PACS1: variants seen among roughly 807,000 people sequenced by gnomAD.
PACS1 encodes phosphofurin acidic cluster sorting protein 1.
In PACS1, 24 loss-of-function variants were observed where a neutral mutation model predicts 115.0. That is an observed-to-expected ratio of 0.21 (90% confidence interval 0.15 to 0.29). PACS1 has a LOEUF of 0.29. PACS1 is among the 10% of genes least tolerant of loss of function. The pLI is 1.00. For missense variants in PACS1, 838 were observed against 1,251.2 expected (o/e 0.67, Z 4.98); for synonymous variants, 453 against 504.5 (o/e 0.90, Z 1.37).
chr11:66,112,935 A>AAAGG (rs1163052297), intron 1 of PACS1, among the ~76,000 whole-genome samples: 1 of 152,222 alleles, frequency 6.6e-6, no homozygotes, highest in East Asian at 1.9e-4. Flanking sequence ...ATGCTGCATG[A>AAAGG]AAGGAAGCCT....
intron 2 of PACS1, among the ~76,000 whole-genome samples, chr11:66,204,854 G>C (rs1374396980): frequency 6.6e-6 from 1 of 151,958 alleles, no homozygotes; most frequent in Non-Finnish European, 1.5e-5. Flanking sequence ...ATAAGACCTG[G>C]TATTTGGCCA....
At chr11:66,242,004 C>G (rs776882316) in intron 22 of PACS1, among the ~76,000 whole-genome samples, 7 of 152,228 alleles carry the variant, frequency 4.6e-5, no homozygotes, top group Non-Finnish European at 8.8e-5. Flanking sequence ...CTCCAGGTCC[C>G]TGTGACGCAG....
At chr11:66,126,843 C>T (rs902868031) in intron 1 of PACS1, among the ~76,000 whole-genome samples, 4 of 151,878 alleles carry the variant, frequency 2.6e-5, no homozygotes, top group African/African-American at 9.7e-5. Context: ...AGTAAAGAGC[C>T]AGCCAAGCAG....
At position 66,136,286 on chromosome 11, in the gene PACS1, C is replaced by CAT. The variant is rs1565120238; in HGVS notation, c.357-57200_357-57199insAT. Among the ~76,000 whole-genome samples the CAT allele has an allele frequency of 2.0e-5, 3 of 149,852 alleles. 1 individual carries two copies. Among genetic ancestry groups the CAT allele is most frequent in the African/African-American group, 7.5e-5 (3 of 40,190 alleles). On this transcript the variant is annotated intron_variant, in intron 1 of 23. Coordinates refer to ENST00000320580, the MANE Select transcript of PACS1 (RefSeq NM_018026.4). ...TAACACACACACACACACACACACA[C>CAT]GCCAAGAATGTGAAACAGGACTGCC...
intron 10 of PACS1, among the ~76,000 whole-genome samples, chr11:66,224,981 T>C (rs890071790): frequency 6.6e-6 from 1 of 152,218 alleles, no homozygotes; most frequent in Non-Finnish European, 1.5e-5. Context: ...TTATTCCAGT[T>C]GTTGAATTTT....
At chr11:66,081,331 A>G (rs750027342) in intron 1 of PACS1, among the ~76,000 whole-genome samples, 9 of 152,208 alleles carry the variant, frequency 5.9e-5, no homozygotes, top group Non-Finnish European at 1.3e-4. Context: ...ACACATGTTA[A>G]TCGTGTGTGT....
At chr11:66,157,987 G>T (rs1478088612) in intron 1 of PACS1, among the ~76,000 whole-genome samples, 2 of 152,156 alleles carry the variant, frequency 1.3e-5, no homozygotes, top group South Asian at 4.1e-4. Context: ...TTGAGACAGG[G>T]TCTGGCTCTG....
rs1269230727 is a variant in PACS1, at chr11:66,232,403, C to A, written c.1731+127C>A. The A allele has an allele frequency of 9.9e-6, 6 of 606,216 alleles. No homozygotes were observed. In the Admixed American group the frequency reaches 1.7e-4, roughly 18 times the overall value. 37.6% of individuals were successfully genotyped at this position (606,216 alleles called of 1,614,324 possible). On this transcript the variant is annotated intron_variant, in intron 14 of 23. Transcript: ENST00000320580. ...AACTCACCCCTCCATCAGCCCCCAC[C>A]TGCTCTGAACTGAGCCCAGAACTCT...
intron 1 of PACS1, among the ~76,000 whole-genome samples, chr11:66,172,980 A>C (rs1282343652): frequency 1.3e-5 from 2 of 151,898 alleles, no homozygotes; most frequent in African/African-American, 4.8e-5. Context: ...GTCTCAAAAA[A>C]AAAAAAAAAA....
chr11:66,121,001 C>T (rs1481445862), intron 1 of PACS1: 1 of 456,158 alleles, frequency 2.2e-6, no homozygotes, highest in Non-Finnish European at 4.4e-6. Context: ...TATTGTGCTT[C>T]ACTTTCTTGT....
chr11:66,147,289 G>C (rs1206745686), intron 1 of PACS1, among the ~76,000 whole-genome samples: 2 of 151,866 alleles, frequency 1.3e-5, no homozygotes, highest in Non-Finnish European at 2.9e-5. Flanking sequence ...GCAAAATAAA[G>C]ACATTCCTAG....
At chr11:66,118,021 C>T (rs995168638) in intron 1 of PACS1, among the ~76,000 whole-genome samples, 1 of 152,114 alleles carries the variant, frequency 6.6e-6, no homozygotes, top group Non-Finnish European at 1.5e-5. Flanking sequence ...CATTTGTGTT[C>T]TGTAGAACCC....
At chr11:66,139,490 C>G (rs191239956) in intron 1 of PACS1, among the ~76,000 whole-genome samples, 3 of 151,942 alleles carry the variant, frequency 2.0e-5, no homozygotes, top group African/African-American at 7.3e-5. Flanking sequence ...ATCCACCCCC[C>G]TAACCCCACC....
At chr11:66,211,888 C>T (rs1053271956) in intron 4 of PACS1, among the ~76,000 whole-genome samples, 5 of 152,204 alleles carry the variant, frequency 3.3e-5, no homozygotes, top group East Asian at 1.9e-4. Context: ...TCGTCCCCTT[C>T]GGTCTGCAGC....
At chr11:66,076,935 G>A (rs754510994) in intron 1 of PACS1, among the ~76,000 whole-genome samples, 4 of 152,210 alleles carry the variant, frequency 2.6e-5, no homozygotes, top group Non-Finnish European at 4.4e-5. Flanking sequence ...TTCTTTCAGA[G>A]GGCCATCAAG....
At position 66,239,135 on chromosome 11, in the gene PACS1, C is replaced by G; in HGVS notation, c.2294-7C>G. On this transcript the variant is annotated splice_region_variant and splice_polypyrimidine_tract_variant and intron_variant, in intron 20 of 23. Coordinates refer to ENST00000320580, the MANE Select transcript of PACS1 (RefSeq NM_018026.4). ...GCCAACTGTGTTTGTCGTTTGTCCC[C>G]TGACAGGCGATGGGGACGATTCTCC... 6.2e-7 allele frequency: 1 copy of G among 1,613,950 alleles called. No individual in the cohort carries two copies. Among genetic ancestry groups the G allele is most frequent in the Non-Finnish European group, 8.5e-7 (1 of 1,180,006 alleles).
chr11:66,113,919 A>G (rs1159439071), intron 1 of PACS1, among the ~76,000 whole-genome samples: 1 of 152,136 alleles, frequency 6.6e-6, no homozygotes, highest in Non-Finnish European at 1.5e-5. Flanking sequence ...ACTCAAGCAA[A>G]CACATAGGGT....
At chr11:66,091,989 C>A (rs191561190) in intron 1 of PACS1, among the ~76,000 whole-genome samples, 1 of 152,244 alleles carries the variant, frequency 6.6e-6, no homozygotes, top group African/African-American at 2.4e-5. Flanking sequence ...CATACGTGTG[C>A]ATATGTTGTT....
At chr11:66,113,932 G>A (rs1245144900) in intron 1 of PACS1, among the ~76,000 whole-genome samples, 1 of 152,140 alleles carries the variant, frequency 6.6e-6, no homozygotes, top group African/African-American at 2.4e-5. Flanking sequence ...CATAGGGTAT[G>A]ATGTGAAAGT....
Sources: allele counts gnomAD v4.1 joint callset (sites outside exome capture counted in the v4.1 genomes callset), GRCh38; gene constraint gnomAD v4.1.1; transcripts MANE v1.5; gene names NCBI Gene and HGNC (gene_info 2026-07-23, HGNC 2026-07-21).